The following WWOX variants were observed in gnomAD, a reference collection of about 807,000 sequenced individuals.
WWOX encodes WW domain-containing oxidoreductase.
In WWOX, 69 loss-of-function variants were observed where a neutral mutation model predicts 46.2. The ratio of observed to expected loss-of-function variants is 1.49; its 90% CI spans 1.23 to 1.82. WWOX has a LOEUF of 1.82. Among genes scored for constraint, WWOX ranks in the 40% most tolerant of loss-of-function variants. WWOX has a pLI of 0.00. For missense variants in WWOX, 919 were observed against 542.6 expected, an observed-to-expected ratio of 1.69 and a Z score of -6.89; for synonymous variants, 359 against 202.6, an observed-to-expected ratio of 1.77 and a Z score of -6.56.
chr16:78,649,176 G>A (rs1029795081), intron 8 of WWOX, among the ~76,000 whole-genome samples: 10 of 152,094 alleles, frequency 6.6e-5, no homozygotes, highest in African/African-American at 2.2e-4. Context: ...GTAGAGACGG[G>A]ATTTCACCAT....
At chr16:78,984,236 C>T (rs893205751) in intron 8 of WWOX, among the ~76,000 whole-genome samples, 12 of 152,046 alleles carry the variant, frequency 7.9e-5, no homozygotes, top group African/African-American at 2.7e-4. Flanking sequence ...GTGGCACATA[C>T]CCCTGTACAT....
At position 79,106,582 on chromosome 16, in the gene WWOX, A is replaced by ATTTTTTTTTTTTTTTTTTTTT. The variant is rs752318131; in HGVS notation, c.1057-105013_1057-104993dup. The ATTTTTTTTTTTTTTTTTTTTT allele has an allele frequency of 2.5e-4, 20 of 79,520 alleles. 2 individuals are homozygous for ATTTTTTTTTTTTTTTTTTTTT. Among genetic ancestry groups the ATTTTTTTTTTTTTTTTTTTTT allele is most frequent in the African/African-American group, 1.0e-3 (19 of 18,840 alleles). The allele number at this position is 79,520 out of a possible 1,614,324, so 4.9% of individuals were successfully genotyped here. ...CCTAAAATGACTCTTTCTTAAAATA[A>ATTTTTTTTTTTTTTTTTTTTT]TTTTTTTTTTTTTTTTTTTTTTTTT... is the stretch of plus-strand genomic sequence containing the variant. On this transcript the variant is annotated intron_variant, in intron 8 of 8. Coordinates refer to ENST00000566780, the MANE Select transcript of WWOX (RefSeq NM_016373.4).
At chr16:78,445,165 C>G (rs756148698) in intron 8 of WWOX, among the ~76,000 whole-genome samples, 1 of 152,134 alleles carries the variant, frequency 6.6e-6, no homozygotes, top group South Asian at 2.1e-4. Context: ...TATAAGCTGT[C>G]CTAGAGTCTG....
intron 8 of WWOX, among the ~76,000 whole-genome samples, chr16:78,847,902 TTC>T (rs1473218459): frequency 6.6e-6 from 1 of 152,186 alleles, no homozygotes; most frequent in Non-Finnish European, 1.5e-5. Flanking sequence ...TACTGGGACT[TTC>T]TGTTTCGTTG....
chr16:79,034,100 C>G (rs886475558), intron 8 of WWOX, among the ~76,000 whole-genome samples: 1 of 152,160 alleles, frequency 6.6e-6, no homozygotes, highest in African/African-American at 2.4e-5. Context: ...GGCCAGGGAA[C>G]TGAATGGGAT....
chr16:79,094,300 C>G (rs2049025067), intron 8 of WWOX, among the ~76,000 whole-genome samples: 1 of 149,546 alleles, frequency 6.7e-6, no homozygotes, highest in Non-Finnish European at 1.5e-5. Context: ...GTCTCCCAGG[C>G]TGGAGTGCAA....
chr16:78,850,168 G>C (rs1256629469), intron 8 of WWOX, among the ~76,000 whole-genome samples: 2 of 152,174 alleles, frequency 1.3e-5, no homozygotes, highest in East Asian at 3.9e-4. Flanking sequence ...GTGTGAGTGT[G>C]TGTGTGTAAA....
Position 78,511,299 on chromosome 16 carries a change from G to A in WWOX, c.1056+78547G>A, listed in dbSNP as rs1226979561. On this transcript the variant is annotated intron_variant, in intron 8 of 8. Coordinates refer to ENST00000566780, the MANE Select transcript of WWOX (RefSeq NM_016373.4). ...CCCTTCCGTCAAGCCTTTTAGCGGAGTTCACAGGGATGCCTTCGGTCCAGA... is the reference window on the plus strand; with the variant it reads ...CCCTTCCGTCAAGCCTTTTAGCGGAATTCACAGGGATGCCTTCGGTCCAGA... Among the ~76,000 whole-genome samples the A allele has an allele frequency of 3.3e-5, 5 of 152,340 alleles. No individual in the cohort carries two copies. In the East Asian group the frequency reaches 9.6e-4, roughly 29 times the overall value.
At chr16:78,750,546 T>C (rs1335755718) in intron 8 of WWOX, among the ~76,000 whole-genome samples, 3 of 151,916 alleles carry the variant, frequency 2.0e-5, no homozygotes, top group African/African-American at 7.3e-5. Flanking sequence ...ATGGATATCT[T>C]GCAAGATACT....
chr16:78,102,900 C>T (rs973505257), intron 1 of WWOX, among the ~76,000 whole-genome samples: 3 of 152,186 alleles, frequency 2.0e-5, no homozygotes, highest in African/African-American at 7.2e-5. Flanking sequence ...GGGTGGTGCA[C>T]TGGGCCCCAG....
At chr16:78,977,077 C>A (rs2046587004) in intron 8 of WWOX, among the ~76,000 whole-genome samples, 1 of 152,186 alleles carries the variant, frequency 6.6e-6, no homozygotes, top group Non-Finnish European at 1.5e-5. Context: ...AACACAGGAA[C>A]CTTTTTGATG....
intron 8 of WWOX, among the ~76,000 whole-genome samples, chr16:78,454,287 C>G (rs2083759249): frequency 6.6e-6 from 1 of 152,164 alleles, no homozygotes; most frequent in Non-Finnish European, 1.5e-5. Flanking sequence ...AACAGCATCT[C>G]TCAAACTTTT....
chr16:78,606,532 T>C (rs1348940082), intron 8 of WWOX, among the ~76,000 whole-genome samples: 1 of 152,036 alleles, frequency 6.6e-6, no homozygotes, highest in Non-Finnish European at 1.5e-5. Context: ...TGAGCCCCTC[T>C]GAACAAAAGC....
intron 8 of WWOX, among the ~76,000 whole-genome samples, chr16:78,711,138 C>T (rs2048436567): frequency 6.6e-6 from 1 of 152,088 alleles, no homozygotes. Context: ...TTAGGTGGGA[C>T]CTTCTTTGTG....
intron 1 of WWOX, among the ~76,000 whole-genome samples, chr16:78,101,327 G>A (rs951618364): frequency 1.4e-4 from 15 of 107,346 alleles, no homozygotes; most frequent in African/African-American, 4.4e-4. Context: ...GATTACAGGC[G>A]TGAGCTACCG....
chr16:78,557,051 TAAAAA>T (rs758297604), intron 8 of WWOX, among the ~76,000 whole-genome samples: 1 of 151,836 alleles, frequency 6.6e-6, no homozygotes, highest in Non-Finnish European at 1.5e-5. Context: ...TGCAATAAAA[TAAAAA>T]GAAAAGGGAT....
intron 7 of WWOX, among the ~76,000 whole-genome samples, chr16:78,427,675 G>C (rs2083117719): frequency 6.6e-6 from 1 of 152,122 alleles, no homozygotes; most frequent in Non-Finnish European, 1.5e-5. Context: ...TCTAGTAAGA[G>C]GCTGAGGTGG....
intron 8 of WWOX, chr16:78,552,393 T>C (rs1418025920): frequency 6.6e-6 from 1 of 152,208 alleles, no homozygotes; most frequent in Non-Finnish European, 1.5e-5. Flanking sequence ...GACACTTCTT[T>C]AAAAGGGAAT....
chr16:78,403,435 C>T (rs1002907987), intron 6 of WWOX, among the ~76,000 whole-genome samples: 2 of 152,210 alleles, frequency 1.3e-5, no homozygotes, highest in Non-Finnish European at 2.9e-5. Context: ...TGCAGAAGTT[C>T]ATAAATAATG....
Sources: allele counts gnomAD v4.1 joint callset (sites outside exome capture counted in the v4.1 genomes callset), GRCh38; gene constraint gnomAD v4.1.1; transcripts MANE v1.5; gene names NCBI Gene and HGNC (gene_info 2026-07-23, HGNC 2026-07-21).